Variants in SEC14L1 observed in about 807,000 individuals in gnomAD.
SEC14L1 encodes SEC14-like protein 1.
SEC14L1 carries 48 observed loss-of-function variants against 85.3 expected under a neutral mutation model. That is an observed-to-expected ratio of 0.56 (90% CI 0.45 to 0.72). SEC14L1 has a LOEUF of 0.72. Among genes scored for constraint, SEC14L1 ranks in the 30% least tolerant of loss-of-function variants. The pLI is 0.00. For missense variants in SEC14L1, 682 were observed against 921.4 expected, an observed-to-expected ratio of 0.74 and a Z score of 3.36; for synonymous variants, 391 against 355.5, an observed-to-expected ratio of 1.10 and a Z score of -1.12.
intron 2 of SEC14L1, among the ~76,000 whole-genome samples, chr17:77,091,843 T>A (rs908041626): frequency 6.6e-6 from 1 of 152,050 alleles, no homozygotes; most frequent in East Asian, 1.9e-4. Flanking sequence ...GAAGGAGTCT[T>A]ATTCTGTTGC....
intron 3 of SEC14L1, among the ~76,000 whole-genome samples, chr17:77,183,239 T>C (rs1330330227): frequency 6.6e-6 from 1 of 152,268 alleles, no homozygotes; most frequent in Non-Finnish European, 1.5e-5. Context: ...TTTCCAAACT[T>C]TTTATTATGA....
intron 3 of SEC14L1, among the ~76,000 whole-genome samples, chr17:77,189,013 G>C (rs1164615603): frequency 6.7e-6 from 1 of 149,856 alleles, no homozygotes; most frequent in African/African-American, 2.5e-5. Flanking sequence ...TTTTAATCAT[G>C]GTAAAAGCAC....
chr17:77,101,543 G>A (rs996592709), intron 3 of SEC14L1, among the ~76,000 whole-genome samples: 3 of 152,152 alleles, frequency 2.0e-5, no homozygotes, highest in African/African-American at 7.2e-5. Context: ...GAAGGCCCAC[G>A]TTGTTGCATT....
intron 10 of SEC14L1, among the ~76,000 whole-genome samples, chr17:77,204,332 C>T (rs936742334): frequency 3.9e-5 from 6 of 152,010 alleles, no homozygotes; most frequent in East Asian, 3.9e-4. Context: ...ATTCTCCTGC[C>T]TCAACCTCCT....
At chr17:77,097,107 T>G (rs543042700) in intron 3 of SEC14L1, among the ~76,000 whole-genome samples, 1 of 152,350 alleles carries the variant, frequency 6.6e-6, no homozygotes, top group Non-Finnish European at 1.5e-5. Flanking sequence ...CGGGAAAGAT[T>G]TTCTTTGTAA....
At chr17:77,104,429 A>AC (rs1491540815) in intron 3 of SEC14L1, among the ~76,000 whole-genome samples, 1 of 50,516 alleles carries the variant, frequency 2.0e-5, no homozygotes, top group Non-Finnish European at 4.1e-5. Context: ...CCTTGTGTTT[A>AC]CTTTTTTTTT....
In SEC14L1 at chr17:77,194,905, C is replaced by G; in HGVS notation, c.703C>G (p.Pro235Ala). 19 of 1,612,738 alleles carry G rather than the reference C, an allele frequency of 1.2e-5. No homozygotes were observed. Among genetic ancestry groups the G allele is most frequent in the Non-Finnish European group, 1.6e-5 (19 of 1,178,742 alleles). Residue 235 changes from proline (P) to alanine (A), a missense_variant, in exon 7 of 17, where the codon CCT (proline) becomes GCT (alanine). Around this residue, in one of 3 missense-constraint regions of SEC14L1, gnomAD observed 123 missense variants for 100.6 expected, o/e 1.22. Coordinates refer to ENST00000436233, the MANE Select transcript of SEC14L1 (RefSeq NM_001143998.2). ...PSAPEPVVGT[P>A]DDKLDADYIK... ...CGCACCTGAGCCCGTGGTGGGCACC[C>G]CTGACGGTGGGTCTGGCAGGGGCTT...
intron 7 of SEC14L1, among the ~76,000 whole-genome samples, chr17:77,195,715 T>C (rs1375702578): frequency 1.3e-5 from 2 of 152,120 alleles, no homozygotes; most frequent in South Asian, 2.1e-4. Context: ...CTTGAACTCC[T>C]GATCTCAGGT....
chr17:77,188,592 G>A (rs1598367404), intron 3 of SEC14L1, among the ~76,000 whole-genome samples: 1 of 152,014 alleles, frequency 6.6e-6, no homozygotes, highest in Admixed American at 6.6e-5. Flanking sequence ...TATGAGTAAC[G>A]CTGCTATGAA....
chr17:77,152,001 GGTT>G (rs776126310), intron 3 of SEC14L1, among the ~76,000 whole-genome samples: 2 of 151,902 alleles, frequency 1.3e-5, no homozygotes, highest in Non-Finnish European at 2.9e-5. Context: ...TTTGAGATAG[GGTT>G]TTGCTTTGTC....
intron 6 of SEC14L1, 108 bp downstream of exon 6, chr17:77,193,657 G>C: frequency 2.5e-6 from 3 of 1,187,550 alleles, no homozygotes; most frequent in Non-Finnish European, 3.6e-6. Context: ...AGCATTTCTT[G>C]GGTGGAAGAT....
intron 3 of SEC14L1, among the ~76,000 whole-genome samples, chr17:77,132,585 C>T (rs986577884): frequency 1.1e-4 from 16 of 152,186 alleles, no homozygotes; most frequent in African/African-American, 3.6e-4. Context: ...CTGTAACTGA[C>T]TGAAGTGAAG....
chr17:77,188,391 T>C (rs2143780166), intron 3 of SEC14L1, among the ~76,000 whole-genome samples: 1 of 145,088 alleles, frequency 6.9e-6, no homozygotes, highest in Middle Eastern at 3.5e-3. Context: ...CAGGGAATCA[T>C]ACCGTATGTA....
At chr17:77,177,051 T>C (rs747398552) in intron 3 of SEC14L1, among the ~76,000 whole-genome samples, 6 of 152,180 alleles carry the variant, frequency 3.9e-5, no homozygotes, top group Admixed American at 6.5e-5. Context: ...TTTCAAATGG[T>C]TACTAAGTTA....
At chr17:77,142,031 G>A (rs1263799857) in intron 1 of SEC14L1, among the ~76,000 whole-genome samples, 2 of 152,088 alleles carry the variant, frequency 1.3e-5, no homozygotes, top group Admixed American at 6.6e-5. Context: ...GAGAACTTGG[G>A]AGTTTGGCTC....
At chr17:77,160,836 A>G (rs1974024807) in intron 3 of SEC14L1, among the ~76,000 whole-genome samples, 1 of 152,078 alleles carries the variant, frequency 6.6e-6, no homozygotes. Context: ...TGGACAACAA[A>G]TAATACTGTT....
At chr17:77,099,876 C>G (rs1253937374) in intron 3 of SEC14L1, among the ~76,000 whole-genome samples, 1 of 152,090 alleles carries the variant, frequency 6.6e-6, no homozygotes, top group African/African-American at 2.4e-5. Flanking sequence ...ATTAAGAGAT[C>G]AAAATGAAAT....
At chr17:77,171,000 A>C (rs974429364) in intron 3 of SEC14L1, among the ~76,000 whole-genome samples, 9 of 152,344 alleles carry the variant, frequency 5.9e-5, no homozygotes, top group African/African-American at 2.2e-4. Flanking sequence ...ATTATTAATA[A>C]ATAGTTAACA....
chr17:77,205,196 G>A (rs1051906610), intron 10 of SEC14L1, 80 bp from the exon 11 acceptor site: 6 of 1,191,934 alleles, frequency 5.0e-6, no homozygotes, highest in Non-Finnish European at 7.5e-6. Context: ...TACGCTGTTA[G>A]TGTCCCTCTT....
Sources: allele counts gnomAD v4.1 joint callset (sites outside exome capture counted in the v4.1 genomes callset), GRCh38; gene constraint gnomAD v4.1.1; regional missense constraint gnomAD v4.1.1; transcripts MANE v1.5; gene names NCBI Gene and HGNC (gene_info 2026-07-23, HGNC 2026-07-21).